KIRREL3: variants seen among roughly 807,000 people sequenced by gnomAD.
KIRREL3 encodes kirre like nephrin family adhesion molecule 3.
In KIRREL3, 36 loss-of-function variants were observed where a neutral mutation model predicts 89.7. That is an observed-to-expected ratio of 0.40 (90% CI 0.31 to 0.53). The LOEUF is 0.53. Among genes scored for constraint, KIRREL3 ranks in the 20% least tolerant of loss-of-function variants. The pLI is 0.49. For synonymous variants in KIRREL3, 445 were observed against 441.4 expected, an observed-to-expected ratio of 1.01 and a Z score of -0.10; for missense variants, 864 against 1,056.6, an observed-to-expected ratio of 0.82 and a Z score of 2.53.
At chr11:126,927,240 ACACG>A (rs918144649) in intron 1 of KIRREL3, among the ~76,000 whole-genome samples, 66 of 94,804 alleles carry the variant, frequency 7.0e-4, no homozygotes, top group East Asian at 2.7e-3. Context: ...ACACACACAC[ACACG>A]CACGCACGCA....
In KIRREL3 at chr11:126,424,802, C is replaced by G; in HGVS notation, c.2115G>C (p.Glu705Asp). 6.2e-7 allele frequency: 1 copy of G among 1,614,084 alleles called. No homozygotes were observed. Among genetic ancestry groups the G allele is most frequent in the Non-Finnish European group, 8.5e-7 (1 of 1,179,902 alleles). ...FVLGMGSSSIELCEREFQRGS... is the reference protein window; with the variant it reads ...FVLGMGSSSIDLCEREFQRGS... Reference sequence around the variant, plus strand: ...CTCTCTGGAACTCCCGCTCACAAAGCTCGATGGACGAGCTGCCCATGCCCA... The same window carrying G: ...CTCTCTGGAACTCCCGCTCACAAAGGTCGATGGACGAGCTGCCCATGCCCA... Residue 705 changes from glutamate (E) to aspartate (D), a missense_variant, in exon 17 of 17, where the codon GAG becomes GAC. Glu to Asp is a conservative substitution (Grantham distance 45). Transcript: ENST00000525144.
At chr11:126,510,950 C>T (rs1409044532) in intron 4 of KIRREL3, among the ~76,000 whole-genome samples, 1 of 152,104 alleles carries the variant, frequency 6.6e-6, no homozygotes, top group African/African-American at 2.4e-5. Context: ...TGTCCTGGTG[C>T]CTCCAGGGCT....
chr11:126,558,298 T>C lies in KIRREL3; in HGVS notation c.133+4537A>G, dbSNP rs1243522936. On this transcript the variant is annotated intron_variant, in intron 2 of 16. Coordinates refer to ENST00000525144, the MANE Select transcript of KIRREL3 (RefSeq NM_032531.4). The surrounding 1 kb of genome is among the most constrained non-coding windows in gnomAD (Gnocchi z 4.0). ...CAGGAATGGTCTTCTCTGGTCTGTG[T>C]CCCTCACTCCAGGTCTCCCCTGATT... 6.6e-6 allele frequency among the ~76,000 whole-genome samples: 1 copy of C among 152,204 alleles called. No homozygotes were observed. Among genetic ancestry groups the C allele is most frequent in the Non-Finnish European group, 1.5e-5 (1 of 68,042 alleles).
intron 1 of KIRREL3, among the ~76,000 whole-genome samples, chr11:126,759,720 C>T (rs960887689): frequency 6.6e-6 from 1 of 152,196 alleles, no homozygotes; most frequent in Non-Finnish European, 1.5e-5. Context: ...GAGCACTAGA[C>T]ATAAGTATAT....
rs772624540 is a variant in KIRREL3 at position 126,669,314 on chromosome 11, G to A, written c.56-106402C>T. ...TTTTCCTTCAGCGTATTTCAAACAC[G>A]TGCAAGATCTTCCTCCTTCCCTGAG... On this transcript the variant is annotated intron_variant, in intron 1 of 16. Coordinates refer to ENST00000525144, the MANE Select transcript of KIRREL3 (RefSeq NM_032531.4). The surrounding 1 kb of genome is among the most constrained non-coding windows in gnomAD (Gnocchi z 5.0). Among the ~76,000 whole-genome samples, 4 of 152,102 alleles carry A rather than the reference G, an allele frequency of 2.6e-5. No homozygotes were observed. Among genetic ancestry groups the A allele is most frequent in the Non-Finnish European group, 5.9e-5 (4 of 68,030 alleles).
chr11:126,961,350 G>GCTA (rs1463677941), intron 1 of KIRREL3, among the ~76,000 whole-genome samples: 2 of 152,202 alleles, frequency 1.3e-5, no homozygotes, highest in Non-Finnish European at 2.9e-5. Context: ...AATTAAAAGT[G>GCTA]CTACTCCAGT....
chr11:126,644,489 G>A (rs147250993), intron 1 of KIRREL3, among the ~76,000 whole-genome samples: 232 of 152,320 alleles, frequency 1.5e-3, no homozygotes, highest in Non-Finnish European at 2.5e-3. Context: ...AGGTCACTTG[G>A]GGGAAGACTG....
rs1388229330 is a variant in KIRREL3 at position 126,655,559 on chromosome 11, G to A, written c.56-92647C>T. ...TTTCTCTTCCTGCCCAGGGAAGGCA[G>A]CTACTGTGTGTCCCCCTGGGGACTG... On this transcript the variant is annotated intron_variant, in intron 1 of 16. Transcript: ENST00000525144. The surrounding 1 kb of genome is among the most constrained non-coding windows in gnomAD (Gnocchi z 5.0). Among the ~76,000 whole-genome samples, 1 of 152,174 alleles carries A rather than the reference G, an allele frequency of 6.6e-6. No individual in the cohort carries two copies. Among genetic ancestry groups the A allele is most frequent in the Admixed American group, 6.5e-5 (1 of 15,280 alleles).
At position 126,719,067 on chromosome 11, in the gene KIRREL3, T is replaced by C. The variant is rs554165162; in HGVS notation, c.56-156155A>G. On this transcript the variant is annotated intron_variant, in intron 1 of 16. Transcript: ENST00000525144. The surrounding 1 kb of genome is among the most constrained non-coding windows in gnomAD (Gnocchi z 4.7). ...TCTCATGTTTGTTTTCCTCCTGCTA[T>C]ACCTCCTTTGCTGTGTTCTCTTTTA... Among the ~76,000 whole-genome samples the C allele has an allele frequency of 1.3e-5, 2 of 152,382 alleles. No individual in the cohort carries two copies. Among genetic ancestry groups the C allele is most frequent in the South Asian group, 2.1e-4 (1 of 4,826 alleles).
intron 1 of KIRREL3, among the ~76,000 whole-genome samples, chr11:126,933,195 C>T (rs912447225): frequency 6.6e-6 from 1 of 152,158 alleles, no homozygotes; most frequent in Non-Finnish European, 1.5e-5. Flanking sequence ...TTCAATTTCT[C>T]TGAAAGGAGC....
At chr11:126,532,668 A>T (rs1783993) in intron 2 of KIRREL3, among the ~76,000 whole-genome samples, 1 of 151,662 alleles carries the variant, frequency 6.6e-6, no homozygotes, top group Non-Finnish European at 1.5e-5. Context: ...GAGCCACTAC[A>T]CCTGGCCCAG....
chr11:126,657,266 A>G (rs546637149), intron 1 of KIRREL3, among the ~76,000 whole-genome samples: 1 of 151,208 alleles, frequency 6.6e-6, no homozygotes, highest in Non-Finnish European at 1.5e-5. Context: ...ATAAATAAAT[A>G]AATAAATAAA....
In KIRREL3 at chr11:126,788,039, A is replaced by T. The variant is rs1950533219; in HGVS notation, c.55+212416T>A. 6.6e-6 allele frequency among the ~76,000 whole-genome samples: 1 copy of T among 152,182 alleles called. No homozygotes were observed. Among genetic ancestry groups the T allele is most frequent in the South Asian group, 2.1e-4 (1 of 4,822 alleles). On this transcript the variant is annotated intron_variant, in intron 1 of 16. Coordinates refer to ENST00000525144, the MANE Select transcript of KIRREL3 (RefSeq NM_032531.4). This position sits in a 1 kb window ranked among gnomAD's most constrained non-coding sequence, Gnocchi z 4.1. ...GCTGAAGCACAGAGAGGTCAAGTCA[A>T]TTGCCCCAGCTGATCCATGACCAAC...
In KIRREL3 at chr11:126,425,718, G is replaced by A. The variant is rs1418106224; in HGVS notation, c.1813C>T (p.Arg605Trp). 3.5e-5 allele frequency: 55 copies of A among 1,593,602 alleles called. No individual in the cohort carries two copies. The highest frequency in any genetic ancestry group is 4.5e-5 in the Non-Finnish European group (53 of 1,169,192). ...ACTGAGTCTTGCTGGAATTCACCCCGGTCCATCTGCAACCCAAAAAAGGCT... is the reference window on the plus strand; with the variant it reads ...ACTGAGTCTTGCTGGAATTCACCCCAGTCCATCTGCAACCCAAAAAAGGCT... The part of the protein sequence containing the change: ...HSTIKQLMMD[R>W]GEFQQDSVLK... Residue 605 changes from arginine (R) to tryptophan (W), a missense_variant, in exon 16 of 17, where the codon CGG becomes TGG. Coordinates refer to ENST00000525144, the MANE Select transcript of KIRREL3 (RefSeq NM_032531.4).
intron 10 of KIRREL3, among the ~76,000 whole-genome samples, chr11:126,442,771 G>A (rs1287871197): frequency 2.0e-5 from 3 of 152,240 alleles, no homozygotes; most frequent in Admixed American, 1.3e-4. Context: ...TCCCCTCCGG[G>A]GCCACTGAAC....
intron 1 of KIRREL3, among the ~76,000 whole-genome samples, chr11:126,894,206 T>C (rs958142632): frequency 9.2e-5 from 14 of 152,176 alleles, no homozygotes; most frequent in African/African-American, 3.4e-4. Context: ...TTGAGGGGAA[T>C]ACACGCAAAG....
Position 126,724,011 on chromosome 11 carries a change from C to G in KIRREL3, c.56-161099G>C, listed in dbSNP as rs942726401. Among the ~76,000 whole-genome samples, 1 of 152,158 alleles carries G rather than the reference C, an allele frequency of 6.6e-6. No individual in the cohort carries two copies. The highest frequency in any genetic ancestry group is 2.4e-5 in the African/African-American group (1 of 41,440). Reference sequence around the variant, plus strand: ...TGATTAAAAGAAGTGTAGGCAGCTCCAAGGCCACACATGAAAAGAGAAATG... The same window carrying G: ...TGATTAAAAGAAGTGTAGGCAGCTCGAAGGCCACACATGAAAAGAGAAATG... On this transcript the variant is annotated intron_variant, in intron 1 of 16. Coordinates refer to ENST00000525144, the MANE Select transcript of KIRREL3 (RefSeq NM_032531.4). The surrounding 1 kb of genome is among the most constrained non-coding windows in gnomAD (Gnocchi z 4.3).
intron 2 of KIRREL3, chr11:126,549,506 G>T (rs138794601): frequency 6.6e-6 from 1 of 152,120 alleles, no homozygotes; most frequent in Admixed American, 6.5e-5. Context: ...TCATTCCAGC[G>T]CACGGCTCTA....
chr11:126,586,479 C>G (rs1591781203), intron 1 of KIRREL3, among the ~76,000 whole-genome samples: 1 of 151,912 alleles, frequency 6.6e-6, no homozygotes, highest in South Asian at 2.1e-4. Flanking sequence ...AGCACATACC[C>G]CGCCCTCTTT....
Sources: gnomAD v4.1 joint callset for allele counts (sites outside exome capture counted in the v4.1 genomes callset) on GRCh38, gnomAD v4.1.1 for gene constraint, Gnocchi (gnomAD v3.1) non-coding constraint, MANE v1.5 for transcripts, NCBI Gene and HGNC (gene_info 2026-07-23, HGNC 2026-07-21) for gene names.